The following CCDC9 variants were observed in gnomAD, a reference collection of about 807,000 sequenced individuals.
The protein encoded by CCDC9 is coiled-coil domain containing 9, also known as coiled-coil domain-containing protein 9.
A neutral mutation model predicts 65.6 loss-of-function variants in CCDC9; 52 were observed. The ratio of observed to expected loss-of-function variants is 0.79; its 90% CI spans 0.63 to 1.00. The LOEUF (loss-of-function observed/expected upper bound fraction) is 1.00. Among genes scored for constraint, CCDC9 ranks in the 50% least tolerant of loss-of-function variants. The pLI is 0.00. For missense variants in CCDC9, 834 were observed against 757.2 expected (o/e 1.10, Z -1.19); for synonymous variants, 332 against 280.3 (o/e 1.18, Z -1.84).
chr19:47,266,065 G>A (rs1324060332), intron 7 of CCDC9, among the ~76,000 whole-genome samples: 29 of 136,014 alleles, frequency 2.1e-4, no homozygotes, highest in African/African-American at 7.9e-4. Context: ...GCGCGATCTC[G>A]GCTCACTGCA....
In CCDC9 at chr19:47,271,190, G is replaced by A. The variant is rs66726054; in HGVS notation, c.1191+3G>A. 0.45 allele frequency: 719,452 copies of A among 1,600,528 alleles called. 166,362 individuals carry two copies. Among genetic ancestry groups the A allele is most frequent in the East Asian group, 0.66 (29,200 of 44,442 alleles). Reference sequence around the variant, plus strand: ...CCCCCAAGGAGACACCCATGCAGGTGAGGCTGGGCTGTGGTTCAGGGCACG... The same window carrying A: ...CCCCCAAGGAGACACCCATGCAGGTAAGGCTGGGCTGTGGTTCAGGGCACG... On this transcript the variant is annotated splice_donor_region_variant and intron_variant, in intron 11 of 11. Coordinates refer to ENST00000221922, the MANE Select transcript of CCDC9 (RefSeq NM_015603.3).
Position 47,264,609 on chromosome 19 carries a change from G to T in CCDC9, c.469G>T (p.Glu157Ter). 1 of 1,597,034 alleles carries T rather than the reference G, an allele frequency of 6.3e-7. No individual in the cohort carries two copies. Among genetic ancestry groups the T allele is most frequent in the East Asian group, 2.3e-5 (1 of 44,088 alleles). ...SISDRKSKEW[E>*]ERRRQNIEKM... ...CCTATCTTTATCCCCCCAGGAGTGG[G>T]AGGAGCGGCGCAGGCAGAACATTGA... Residue 157 changes from glutamate (E) to a stop codon, truncating the protein, a stop_gained, in exon 6 of 12, where the codon GAG (glutamate) becomes TAG (stop). Transcript: ENST00000221922. LOFTEE classifies it high-confidence loss of function.
In CCDC9 at chr19:47,260,329, G is replaced by A. The variant is rs1354847391; in HGVS notation, c.117G>A (p.Glu39=). ...CGGCTGTCTGCTCCTAGGAGATTGA[G>A]GAAGACCGTAAGAAAGCTGAACTTG... ...EALIRRYQEI[E]EDRKKAELEG... is the part of the protein sequence containing the mutation. The change falls in exon 4 of 12, where the codon GAG becomes GAA. Residue 39 remains glutamate, a synonymous_variant. Coordinates refer to ENST00000221922, the MANE Select transcript of CCDC9 (RefSeq NM_015603.3). 6.3e-7 allele frequency: 1 copy of A among 1,588,456 alleles called. No individual in the cohort carries two copies. The highest frequency in any genetic ancestry group is 1.8e-5 in the Admixed American group (1 of 55,992).
In CCDC9 at chr19:47,260,641, G is replaced by C; in HGVS notation, c.264G>C (p.Gly88=). 1.3e-6 allele frequency: 2 copies of C among 1,523,544 alleles called. No individual in the cohort carries two copies. The highest frequency in any genetic ancestry group is 1.7e-6 in the Non-Finnish European group (2 of 1,144,890). 94.4% of individuals were successfully genotyped at this position (1,523,544 alleles called of 1,614,324 possible). ...CTCCTGGGACCCCTCGGCCCCCAGG[G>C]GCCAGCAAGGGGGGCCGGACTCCTC... ...RRSPGTPRPP[G]ASKGGRTPPQ... The change falls in exon 5 of 12, where the codon GGG becomes GGC. Residue 88 remains glycine, a synonymous_variant. Coordinates refer to ENST00000221922, the MANE Select transcript of CCDC9 (RefSeq NM_015603.3).
At chr19:47,272,158 C>G, downstream of CCDC9, 5 of 1,234,986 alleles carry the variant, frequency 4.0e-6, no homozygotes, top group Non-Finnish European at 5.1e-6. Context: ...TGAGGCAACT[C>G]CAGGTGGGGG....
chr19:47,260,725 C>T lies in CCDC9; in HGVS notation c.348C>T (p.Pro116=), dbSNP rs371400936. The stretch of plus-strand genomic sequence containing the variant: ...CATCGCGCAGCTGGGAGGGCAGCCC[C>T]GGGGAGCAGCCTCGAGGAGGAGGAG... The part of the protein sequence containing the change: ...GRASRSWEGS[P]GEQPRGGGAG... The change falls in exon 5 of 12, where the codon CCC becomes CCT. Residue 116 remains proline (P), a synonymous_variant. Coordinates refer to ENST00000221922, the MANE Select transcript of CCDC9 (RefSeq NM_015603.3). 9.0e-5 allele frequency: 144 copies of T among 1,593,566 alleles called. No individual in the cohort carries two copies. The highest frequency in any genetic ancestry group is 7.6e-4 in the East Asian group (34 of 44,724).
chr19:47,273,525 C>T (rs866208053), downstream of CCDC9: 21 of 495,920 alleles, frequency 4.2e-5, no homozygotes, highest in African/African-American at 3.4e-4. Flanking sequence ...CTCCTCTGTC[C>T]TCTGCTTCTG....
intron 8 of CCDC9, among the ~76,000 whole-genome samples, chr19:47,267,628 T>C (rs1350141725): frequency 1.3e-5 from 2 of 152,140 alleles, no homozygotes; most frequent in Non-Finnish European, 2.9e-5. Context: ...CACTTCCCAG[T>C]TGTGTTCGCC....
At chr19:47,264,490 C>T in intron 5 of CCDC9, 113 bp from the exon 6 acceptor site, 1 of 976,822 alleles carries the variant, frequency 1.0e-6, no homozygotes, top group Non-Finnish European at 1.6e-6. Flanking sequence ...TGGTCAGATG[C>T]CAGCAGGCCA....
At chr19:47,258,301 C>T (rs2059023961) in intron 1 of CCDC9, 29 bp from the exon 2 acceptor site, 4 of 1,346,514 alleles carry the variant, frequency 3.0e-6, no homozygotes, top group Admixed American at 3.4e-5. Flanking sequence ...GGCCATTGGC[C>T]TTTGTCCTTT....
chr19:47,263,675 C>T (rs1377231356), intron 5 of CCDC9, among the ~76,000 whole-genome samples: 1 of 151,854 alleles, frequency 6.6e-6, no homozygotes, highest in Non-Finnish European at 1.5e-5. Flanking sequence ...AAGCAATTCT[C>T]CTGTCTCAGC....
chr19:47,256,882 T>C (rs949281268), intron 1 of CCDC9, among the ~76,000 whole-genome samples: 6 of 150,258 alleles, frequency 4.0e-5, no homozygotes, highest in African/African-American at 1.5e-4. Flanking sequence ...TAGTGTTGCT[T>C]GTTCAGCTGT....
Position 47,271,460 on chromosome 19 carries a change from A to G in CCDC9, c.1378A>G (p.Ile460Val). ...AGCCCCAGAGGCTGCCCCCACCGGGATCCCCTGCAGTGAGCAGGCCCACGG... is the reference window on the plus strand; with the variant it reads ...AGCCCCAGAGGCTGCCCCCACCGGGGTCCCCTGCAGTGAGCAGGCCCACGG... ...HQAPEAAPTGIPCSEQAHGVP... is the reference protein window; with the variant it reads ...HQAPEAAPTGVPCSEQAHGVP... Residue 460 changes from isoleucine to valine, a missense_variant, in exon 12 of 12, where the codon ATC becomes GTC. Physicochemically the swap from Ile to Val is conservative, Grantham distance 29. Coordinates refer to ENST00000221922, the MANE Select transcript of CCDC9 (RefSeq NM_015603.3). 6 of 1,613,602 alleles carry G rather than the reference A, an allele frequency of 3.7e-6. No homozygotes were observed. The highest frequency in any genetic ancestry group is 4.2e-6 in the Non-Finnish European group (5 of 1,179,884).
At chr19:47,275,595 C>T (rs116246903), downstream of CCDC9, 2,926 of 549,644 alleles carry the variant, frequency 5.3e-3, 99 homozygotes, top group African/African-American at 0.052. Flanking sequence ...TGTCTCCTGC[C>T]CCTCCTGCTG....
At chr19:47,258,920 G>A (rs2059028387) in intron 3 of CCDC9, among the ~76,000 whole-genome samples, 1 of 152,190 alleles carries the variant, frequency 6.6e-6, no homozygotes, top group South Asian at 2.1e-4. Flanking sequence ...ACAGACCCAG[G>A]CCTGCCCCCT....
At chr19:47,272,039 G>T (rs60113257), downstream of CCDC9, 4,292 of 1,238,004 alleles carry the variant, frequency 3.5e-3, 122 homozygotes, top group African/African-American at 0.06. Flanking sequence ...AGGCGGGAAA[G>T]GGGGCTTGAC....
Position 47,270,676 on chromosome 19 carries a change from C to A in CCDC9, c.1073C>A (p.Pro358His). 2.5e-6 allele frequency: 4 copies of A among 1,611,196 alleles called. No homozygotes were observed. The South Asian group carries it at 4.4e-5, about 18-fold the overall frequency. ...AGTCGGCCCCAGGCCAAGGCAGCGCCCAGGGCCTACAGGTGGGGCACCCCT... is the reference window on the plus strand; with the variant it reads ...AGTCGGCCCCAGGCCAAGGCAGCGCACAGGGCCTACAGGTGGGGCACCCCT... ...KSSRPQAKAA[P>H]RAYSDHDDRW... is the part of the protein sequence containing the mutation. Residue 358 changes from proline to histidine, a missense_variant, in exon 10 of 12, where the codon CCC (proline) becomes CAC (histidine). Pro to His is a moderately conservative substitution (Grantham distance 77). Coordinates refer to ENST00000221922, the MANE Select transcript of CCDC9 (RefSeq NM_015603.3).
At position 47,260,821 on chromosome 19, in the gene CCDC9, C is replaced by T. The variant is rs765985704; in HGVS notation, c.444C>T (p.Ile148=). The change falls in exon 5 of 12, where the codon ATC becomes ATT. Residue 148 remains isoleucine (I), a synonymous_variant. Coordinates refer to ENST00000221922, the MANE Select transcript of CCDC9 (RefSeq NM_015603.3). ...PHLSGAGDTS[I]SDRKSKEWEE... ...TCTCTGGAGCTGGAGACACCTCAAT[C>T]TCTGACCGTAAATCCAAGGTAGGAG... 4 of 1,613,022 alleles carry T rather than the reference C, an allele frequency of 2.5e-6. No individual in the cohort carries two copies. Among genetic ancestry groups the T allele is most frequent in the Non-Finnish European group, 2.5e-6 (3 of 1,179,566 alleles).
At chr19:47,275,093 G>T, downstream of CCDC9, 1 of 1,493,934 alleles carries the variant, frequency 6.7e-7, no homozygotes, top group Non-Finnish European at 8.9e-7. Context: ...GGGTACCCAC[G>T]CGGTCTCCCG....
Sources: allele counts gnomAD v4.1 joint callset (sites outside exome capture counted in the v4.1 genomes callset), GRCh38; gene constraint gnomAD v4.1.1; transcripts MANE v1.5; gene names NCBI Gene and HGNC (gene_info 2026-07-23, HGNC 2026-07-21).